The following PLCL1 variants were observed in gnomAD, a reference collection of about 807,000 sequenced individuals.
PLCL1 encodes phospholipase C like 1 (inactive).
Under a neutral mutation model 84.4 loss-of-function variants are expected in PLCL1, and 41 were observed. The observed-to-expected ratio is 0.49, with a 90% confidence interval of 0.38 to 0.63. The LOEUF is 0.63. PLCL1 is among the 30% of genes least tolerant of loss of function. The pLI, the probability that PLCL1 is intolerant of heterozygous loss-of-function variation, is 0.00. For missense variants in PLCL1, 1,206 were observed against 1,367.8 expected, an observed-to-expected ratio of 0.88 and a Z score of 1.87; for synonymous variants, 490 against 488.3, an observed-to-expected ratio of 1.00 and a Z score of -0.05.
intron 1 of PLCL1, among the ~76,000 whole-genome samples, chr2:198,030,362 C>T (rs1691381928): frequency 2.0e-5 from 3 of 152,070 alleles, no homozygotes; most frequent in Admixed American, 2.0e-4. Flanking sequence ...GGTAACACTG[C>T]CCGGTGATTG....
intron 1 of PLCL1, among the ~76,000 whole-genome samples, chr2:198,049,702 T>A (rs1691882614): frequency 6.6e-6 from 1 of 152,188 alleles, no homozygotes; most frequent in African/African-American, 2.4e-5. Context: ...AATCATAGCA[T>A]CCTTCATGTC....
chr2:198,140,907 CT>C lies in PLCL1; in HGVS notation c.3106-5870del, dbSNP rs756201586. 1.1e-3 allele frequency among the ~76,000 whole-genome samples: 161 copies of C among 152,156 alleles called. 1 individual carries two copies. Among genetic ancestry groups the C allele is most frequent in the Middle Eastern group, 6.8e-3 (2 of 294 alleles). On this transcript the variant is annotated intron_variant, in intron 5 of 5. Transcript: ENST00000428675. ...TTTGTGACCAATCCTAAAATACATC[CT>C]TTATGTAACTAATTAAAAAATTAAC...
At chr2:197,809,213 C>A (rs1385847916) in intron 1 of PLCL1, among the ~76,000 whole-genome samples, 1 of 152,266 alleles carries the variant, frequency 6.6e-6, no homozygotes, top group South Asian at 2.1e-4. Flanking sequence ...AGCTTTCGTA[C>A]GTTTGTATCA....
rs541998324 is a variant in PLCL1 at position 198,058,084 on chromosome 2, G to A, written c.241-25674G>A. Among the ~76,000 whole-genome samples, 9 of 152,134 alleles carry A rather than the reference G, an allele frequency of 5.9e-5. No homozygotes were observed. The South Asian group carries it at 6.2e-4, about 11-fold the overall frequency. On this transcript the variant is annotated intron_variant, in intron 1 of 5. Coordinates refer to ENST00000428675, the MANE Select transcript of PLCL1 (RefSeq NM_006226.4). The stretch of plus-strand genomic sequence containing the variant: ...TAGTGTGGAGTGAAAACTGGTTTTC[G>A]AACTGCAGATATAGTATGATGGTAT...
chr2:198,045,964 A>T (rs747729487), intron 1 of PLCL1, among the ~76,000 whole-genome samples: 14 of 152,228 alleles, frequency 9.2e-5, no homozygotes, highest in Non-Finnish European at 1.9e-4. Context: ...GTAACGAGCA[A>T]TCAAAAACTG....
intron 1 of PLCL1, among the ~76,000 whole-genome samples, chr2:197,953,870 T>C (rs1001145283): frequency 6.6e-6 from 1 of 150,806 alleles, no homozygotes; most frequent in African/African-American, 2.4e-5. Flanking sequence ...TTTTCTAAAA[T>C]ATTGCTCTAT....
At chr2:197,950,599 C>A (rs555616183) in intron 1 of PLCL1, among the ~76,000 whole-genome samples, 2 of 152,120 alleles carry the variant, frequency 1.3e-5, no homozygotes, top group Non-Finnish European at 2.9e-5. Context: ...CTCCTAGAAC[C>A]AGTGCCTTGA....
chr2:198,047,130 C>T (rs1432165708), intron 1 of PLCL1, among the ~76,000 whole-genome samples: 3 of 151,344 alleles, frequency 2.0e-5, no homozygotes, highest in African/African-American at 7.3e-5. Context: ...ACTAGGCTTG[C>T]TTGAGTATGA....
At chr2:198,094,211 A>G (rs1693131725) in intron 3 of PLCL1, among the ~76,000 whole-genome samples, 1 of 151,866 alleles carries the variant, frequency 6.6e-6, no homozygotes, top group Non-Finnish European at 1.5e-5. Context: ...ACAAACACCC[A>G]CCACCATGCC....
At position 197,813,044 on chromosome 2, in the gene PLCL1, G is replaced by A. The variant is rs141098165; in HGVS notation, c.240+7705G>A. On this transcript the variant is annotated intron_variant, in intron 1 of 5. Coordinates refer to ENST00000428675, the MANE Select transcript of PLCL1 (RefSeq NM_006226.4). Reference sequence around the variant, plus strand: ...TTCTAGGGTGTAATCAGGGGCACACGCATTAGGGCTAGACAATAAGGAGTC... The same window carrying A: ...TTCTAGGGTGTAATCAGGGGCACACACATTAGGGCTAGACAATAAGGAGTC... Among the ~76,000 whole-genome samples the A allele has an allele frequency of 3.4e-3, 519 of 152,274 alleles. 3 individuals carry two copies. Among genetic ancestry groups the A allele is most frequent in the Non-Finnish European group, 5.4e-3 (370 of 68,012 alleles).
At chr2:198,040,868 A>C (rs1234856280) in intron 1 of PLCL1, among the ~76,000 whole-genome samples, 1 of 152,144 alleles carries the variant, frequency 6.6e-6, no homozygotes, top group Non-Finnish European at 1.5e-5. Flanking sequence ...CATTTACCCA[A>C]ATATGTGAAC....
At chr2:197,987,112 A>G (rs1223469545) in intron 1 of PLCL1, among the ~76,000 whole-genome samples, 1 of 152,214 alleles carries the variant, frequency 6.6e-6, no homozygotes, top group Non-Finnish European at 1.5e-5. Context: ...AAGTCTCATT[A>G]GTTTTTAAAG....
At chr2:198,137,580 AT>A (rs1479132239) in intron 5 of PLCL1, among the ~76,000 whole-genome samples, 1 of 152,180 alleles carries the variant, frequency 6.6e-6, no homozygotes, top group African/African-American at 2.4e-5. Context: ...CTGGAGGAGG[AT>A]TCTTGCCTCT....
intron 1 of PLCL1, among the ~76,000 whole-genome samples, chr2:197,851,596 G>A (rs956776404): frequency 1.3e-5 from 2 of 152,220 alleles, no homozygotes; most frequent in African/African-American, 4.8e-5. Flanking sequence ...GGGTACAAGT[G>A]ATAAGAAAGA....
chr2:198,065,014 A>G (rs1395140173), intron 1 of PLCL1, among the ~76,000 whole-genome samples: 1 of 152,180 alleles, frequency 6.6e-6, no homozygotes, highest in Non-Finnish European at 1.5e-5. Context: ...AGTCTTCAAG[A>G]ACATAGACTA....
chr2:197,861,486 C>A (rs926672651), intron 1 of PLCL1, among the ~76,000 whole-genome samples: 7 of 152,112 alleles, frequency 4.6e-5, no homozygotes, highest in African/African-American at 1.7e-4. Flanking sequence ...TCCCTGAGTT[C>A]TGTGAGCCAC....
intron 1 of PLCL1, among the ~76,000 whole-genome samples, chr2:197,812,695 C>G (rs895018326): frequency 6.6e-6 from 1 of 152,104 alleles, no homozygotes; most frequent in Non-Finnish European, 1.5e-5. Flanking sequence ...TACAATATCA[C>G]GGTTAGAAAT....
chr2:197,987,434 T>C (rs1690240741), intron 1 of PLCL1, among the ~76,000 whole-genome samples: 1 of 152,200 alleles, frequency 6.6e-6, no homozygotes, highest in Non-Finnish European at 1.5e-5. Flanking sequence ...ATTTGCTTTC[T>C]AGTTTCTACA....
At chr2:197,991,607 T>C (rs1000948045) in intron 1 of PLCL1, among the ~76,000 whole-genome samples, 2 of 152,240 alleles carry the variant, frequency 1.3e-5, no homozygotes, top group South Asian at 2.1e-4. Context: ...CTCATGGTTC[T>C]TCCAGTCACT....
Sources: allele counts gnomAD v4.1 joint callset (sites outside exome capture counted in the v4.1 genomes callset), GRCh38; gene constraint gnomAD v4.1.1; transcripts MANE v1.5; gene names NCBI Gene and HGNC (gene_info 2026-07-23, HGNC 2026-07-21).